Variants in LIPA observed in about 807,000 individuals in gnomAD.
LIPA encodes lipase A, lysosomal acid type, also known as lysosomal acid lipase/cholesteryl ester hydrolase.
A neutral mutation model predicts 40.6 loss-of-function variants in LIPA; 26 were observed. The ratio of observed to expected loss-of-function variants is 0.64; its 90% CI spans 0.47 to 0.89. LIPA has a LOEUF of 0.89. Ranked by LOEUF, LIPA falls within the 40% of genes least tolerant of loss-of-function variation. The pLI, the probability that LIPA is intolerant of heterozygous loss-of-function variation, is 0.00. For synonymous variants in LIPA, 188 were observed against 168.4 expected, an observed-to-expected ratio of 1.12 and a Z score of -0.90; for missense variants, 455 against 479.6, an observed-to-expected ratio of 0.95 and a Z score of 0.48.
chr10:89,302,598 G>A (rs1261081727), intron 1 of LIPA, among the ~76,000 whole-genome samples: 1 of 152,186 alleles, frequency 6.6e-6, no homozygotes, highest in Non-Finnish European at 1.5e-5. Context: ...CCCACTTCCT[G>A]CAAAGGTGAA....
intron 3 of LIPA, among the ~76,000 whole-genome samples, chr10:89,233,671 G>A (rs1468467390): frequency 6.6e-6 from 1 of 152,170 alleles, no homozygotes; most frequent in Admixed American, 6.5e-5. Flanking sequence ...AGGCCGAGGC[G>A]GGTGGATCAC....
At chr10:89,300,901 T>C (rs1359588903) in intron 1 of LIPA, among the ~76,000 whole-genome samples, 1 of 152,116 alleles carries the variant, frequency 6.6e-6, no homozygotes, top group Non-Finnish European at 1.5e-5. Context: ...GCGAATCACT[T>C]GAACCAGGGA....
At chr10:89,352,905 A>G (rs1843967566) in intron 2 of LIPA, among the ~76,000 whole-genome samples, 1 of 152,138 alleles carries the variant, frequency 6.6e-6, no homozygotes, top group South Asian at 2.1e-4. Flanking sequence ...TTACCCTAGC[A>G]ACATAAACTG....
intron 2 of LIPA, among the ~76,000 whole-genome samples, chr10:89,410,143 T>C (rs1038451550): frequency 1.3e-5 from 2 of 152,138 alleles, no homozygotes; most frequent in Non-Finnish European, 2.9e-5. Flanking sequence ...TGTTTAAGGG[T>C]AGTTGTGGCA....
intron 1 of LIPA, among the ~76,000 whole-genome samples, chr10:89,331,428 C>T (rs1843648622): frequency 6.6e-6 from 1 of 152,212 alleles, no homozygotes; most frequent in South Asian, 2.1e-4. Context: ...CCACCTTGGC[C>T]TCCCAAAGTG....
At chr10:89,276,243 C>T (rs1187281913) in intron 1 of LIPA, among the ~76,000 whole-genome samples, 1 of 152,206 alleles carries the variant, frequency 6.6e-6, no homozygotes, top group Non-Finnish European at 1.5e-5. Flanking sequence ...TCACTTCACC[C>T]TCATCCAAGT....
At chr10:89,292,008 A>T (rs1843377669) in intron 1 of LIPA, 1 of 152,238 alleles carries the variant, frequency 6.6e-6, no homozygotes, top group East Asian at 1.9e-4. Context: ...TGGTAGAGTC[A>T]CAGGATGGAA....
At chr10:89,325,052 T>A (rs910661790) in intron 1 of LIPA, among the ~76,000 whole-genome samples, 1 of 151,564 alleles carries the variant, frequency 6.6e-6, no homozygotes, top group African/African-American at 2.4e-5. Context: ...TAAAGTATAA[T>A]AATAAAAAAA....
At position 89,228,325 on chromosome 10, in the gene LIPA, G is replaced by A. The variant is rs751696669; in HGVS notation, c.303C>T (p.Asn101=). Residue 101 remains asparagine, a synonymous_variant, in exon 4 of 10, where the codon AAC becomes AAT. Transcript: ENST00000336233. ...CAGCAAGAATGAAGCCCAGGCTGCT[G>A]TTGGCAAGGTTTGTGACCCAGTTAC... ...DSSNWVTNLA[N]SSLGFILADA... The A allele has an allele frequency of 1.1e-5, 17 of 1,614,230 alleles. No homozygotes were observed. The South Asian group carries it at 1.9e-4, about 18-fold the overall frequency.
chr10:89,321,639 A>G (rs1339896554), intron 1 of LIPA, among the ~76,000 whole-genome samples: 1 of 152,232 alleles, frequency 6.6e-6, no homozygotes, highest in African/African-American at 2.4e-5. Context: ...AACTAGTTCA[A>G]CCATTGTGGA....
intron 1 of LIPA, among the ~76,000 whole-genome samples, chr10:89,328,596 G>A (rs1843621489): frequency 6.6e-6 from 1 of 152,166 alleles, no homozygotes; most frequent in African/African-American, 2.4e-5. Flanking sequence ...CATGAAGAAG[G>A]CAATTTTGCC....
At chr10:89,276,593 C>T (rs1035047351) in intron 1 of LIPA, among the ~76,000 whole-genome samples, 1 of 152,116 alleles carries the variant, frequency 6.6e-6, no homozygotes, top group Admixed American at 6.6e-5. Flanking sequence ...GATCAAATGA[C>T]CTTAACCAAG....
At chr10:89,339,925 A>G in intron 1 of LIPA, 1 of 1,614,202 alleles carries the variant, frequency 6.2e-7, no homozygotes, top group Non-Finnish European at 8.5e-7. Context: ...TCAAGGATTA[A>G]TTCATAAGCA....
intron 4 of LIPA, among the ~76,000 whole-genome samples, chr10:89,227,497 T>A (rs1009193327): frequency 6.6e-6 from 1 of 152,216 alleles, no homozygotes; most frequent in Admixed American, 6.5e-5. Context: ...TCCTTAGAGG[T>A]GCCTCTGGTT....
chr10:89,319,801 C>A (rs1157759621), intron 1 of LIPA, among the ~76,000 whole-genome samples: 1 of 152,048 alleles, frequency 6.6e-6, no homozygotes. Context: ...AACATCGATG[C>A]AATGCAAATA....
chr10:89,307,674 A>T (rs1406205173), intron 1 of LIPA: 2 of 292,870 alleles, frequency 6.8e-6, no homozygotes, highest in Non-Finnish European at 1.3e-5. Flanking sequence ...CCTTTAGTGG[A>T]GTAATCTACT....
chr10:89,388,579 T>C (rs1844224720), intron 2 of LIPA, among the ~76,000 whole-genome samples: 1 of 152,174 alleles, frequency 6.6e-6, no homozygotes, highest in African/African-American at 2.4e-5. Flanking sequence ...AGATTTTTTA[T>C]GTTAAGTAAA....
chr10:89,320,469 T>C (rs1488693345), intron 1 of LIPA, among the ~76,000 whole-genome samples: 11 of 152,276 alleles, frequency 7.2e-5, no homozygotes, highest in Non-Finnish European at 1.3e-4. Context: ...CCATTCACAA[T>C]TGCTTCAAAG....
At chr10:89,254,724 C>A (rs1843172337), upstream of LIPA, among the ~76,000 whole-genome samples, 1 of 152,044 alleles carries the variant, frequency 6.6e-6, no homozygotes, top group Non-Finnish European at 1.5e-5. Context: ...GTTTTGTTTC[C>A]CTTTTAAAAC....
Sources: gnomAD v4.1 joint callset for allele counts (sites outside exome capture counted in the v4.1 genomes callset) on GRCh38, gnomAD v4.1.1 for gene constraint, MANE v1.5 for transcripts, NCBI Gene and HGNC (gene_info 2026-07-23, HGNC 2026-07-21) for gene names.